The following DAB2IP variants were observed in gnomAD, a reference collection of about 807,000 sequenced individuals.
DAB2IP encodes disabled homolog 2-interacting protein.
A neutral mutation model predicts 107.2 loss-of-function variants in DAB2IP; 28 were observed. That is an observed-to-expected ratio of 0.26 (90% confidence interval 0.19 to 0.36). The LOEUF (loss-of-function observed/expected upper bound fraction) is 0.36, where lower values mean the gene tolerates loss of function less well. Ranked by LOEUF, DAB2IP falls within the 10% of genes least tolerant of loss-of-function variation. The pLI is 1.00. For missense variants in DAB2IP, 1,400 were observed against 1,644.7 expected, an observed-to-expected ratio of 0.85 and a Z score of 2.57; for synonymous variants, 755 against 706.4, an observed-to-expected ratio of 1.07 and a Z score of -1.09.
intron 1 of DAB2IP, among the ~76,000 whole-genome samples, chr9:121,585,530 G>C (rs565029729): frequency 1.3e-5 from 2 of 152,174 alleles, no homozygotes; most frequent in Non-Finnish European, 2.9e-5. Flanking sequence ...ATTAGGTCTT[G>C]CCAAGGAGAG....
At chr9:121,661,248 T>G (rs1418470358) in intron 1 of DAB2IP, among the ~76,000 whole-genome samples, 1 of 151,774 alleles carries the variant, frequency 6.6e-6, no homozygotes, top group African/African-American at 2.4e-5. Context: ...GATCGATTAT[T>G]TGGGGGAGAG....
chr9:121,642,615 TAAAA>T (rs397893249), intron 1 of DAB2IP, among the ~76,000 whole-genome samples: 1 of 123,950 alleles, frequency 8.1e-6, no homozygotes, highest in African/African-American at 3.0e-5. Context: ...TCTTTTCTAT[TAAAA>T]AAAAAAAAAA....
chr9:121,763,083 T>TCTTACCATGAGACAGGGCAGC, intron 6 of DAB2IP, among the ~76,000 whole-genome samples: 1 of 152,200 alleles, frequency 6.6e-6, no homozygotes, highest in African/African-American at 2.4e-5. Context: ...TGATGGCCAT[T>TCTTACCATGAGACAGGGCAGC]CTTACCATGA....
intron 1 of DAB2IP, among the ~76,000 whole-genome samples, chr9:121,645,607 G>C (rs918288447): frequency 8.5e-5 from 13 of 152,206 alleles, no homozygotes; most frequent in African/African-American, 3.1e-4. Flanking sequence ...TGACTGCTCT[G>C]TGCTGGGATG....
In DAB2IP at chr9:121,776,236, C is replaced by A; in HGVS notation, c.3159C>A (p.Thr1053=). The A allele has an allele frequency of 6.3e-7, 1 of 1,585,078 alleles. No individual in the cohort carries two copies. Among genetic ancestry groups the A allele is most frequent in the Admixed American group, 1.8e-5 (1 of 55,174 alleles). Residue 1053 remains threonine, a synonymous_variant, in exon 14 of 16, where the codon ACC becomes ACA. Coordinates refer to ENST00000408936, the Ensembl canonical transcript of DAB2IP. The surrounding 1 kb of genome is among the most constrained non-coding windows in gnomAD (Gnocchi z 5.4). ...TGCAGGACAAGCTGCGAATCTCCAC[C>A]AAGAAGCTGGAGGAGTATGAGACCC...
chr9:121,752,017 G>A (rs1833153003), intron 3 of DAB2IP: 1 of 985,530 alleles, frequency 1.0e-6, no homozygotes, highest in Non-Finnish European at 1.2e-6. Flanking sequence ...CGCTGTCATG[G>A]GGCTAGTGAT....
chr9:121,785,005 G>A (rs1835913282), exon 16 of DAB2IP: 1 of 152,774 alleles, frequency 6.5e-6, no homozygotes, highest in South Asian at 2.1e-4. Flanking sequence ...GGGGCCCCCT[G>A]GTCACCGAGA....
intron 1 of DAB2IP, among the ~76,000 whole-genome samples, chr9:121,609,652 G>A (rs1297043423): frequency 6.6e-6 from 1 of 152,232 alleles, no homozygotes; most frequent in Non-Finnish European, 1.5e-5. Context: ...GATGTAAGCT[G>A]GACAGACCAT....
intron 3 of DAB2IP, among the ~76,000 whole-genome samples, chr9:121,718,202 C>T (rs911901125): frequency 1.3e-5 from 2 of 152,148 alleles, no homozygotes; most frequent in Admixed American, 6.5e-5. Context: ...CCGGCAGCCG[C>T]GGCTCCTGAC....
chr9:121,619,759 C>G (rs187680738), intron 1 of DAB2IP, among the ~76,000 whole-genome samples: 2 of 152,306 alleles, frequency 1.3e-5, no homozygotes, highest in East Asian at 3.9e-4. Context: ...GAAATTCCAC[C>G]ATTAGTGATT....
intron 1 of DAB2IP, among the ~76,000 whole-genome samples, chr9:121,593,336 T>C (rs1475002930): frequency 6.6e-6 from 1 of 152,142 alleles, no homozygotes; most frequent in Non-Finnish European, 1.5e-5. Context: ...GGCGTGGACA[T>C]GACTCACTAT....
rs1429013184 is a variant in DAB2IP, at chr9:121,662,399, G to T, written c.124+10500G>T. On this transcript the variant is annotated intron_variant, in intron 1 of 15. Coordinates refer to ENST00000408936, the Ensembl canonical transcript of DAB2IP. The surrounding 1 kb of genome is among the most constrained non-coding windows in gnomAD (Gnocchi z 4.6). ...AAGAATAGTTTTTACATTTTTAAAGGGTTGGAACAAAAAGTCAGAAGAAGG... is the reference window on the plus strand; with the variant it reads ...AAGAATAGTTTTTACATTTTTAAAGTGTTGGAACAAAAAGTCAGAAGAAGG... 6.6e-6 allele frequency among the ~76,000 whole-genome samples: 1 copy of T among 152,160 alleles called. No individual in the cohort carries two copies. The highest frequency in any genetic ancestry group is 1.5e-5 in the Non-Finnish European group (1 of 68,046).
rs1206713987 is a variant in DAB2IP, at chr9:121,701,113, T to C, written c.362+1655T>C. Reference sequence around the variant, plus strand: ...CTCTGCACCCGCATGCGGGGGCTTGTGTACGTACCCCGTTTTGTGTGCATG... The same window carrying C: ...CTCTGCACCCGCATGCGGGGGCTTGCGTACGTACCCCGTTTTGTGTGCATG... On this transcript the variant is annotated intron_variant, in intron 3 of 15. Transcript: ENST00000408936. The surrounding 1 kb of genome is among the most constrained non-coding windows in gnomAD (Gnocchi z 4.7). Among the ~76,000 whole-genome samples, 2 of 152,198 alleles carry C rather than the reference T, an allele frequency of 1.3e-5. No individual in the cohort carries two copies.
exon 4 of DAB2IP, chr9:121,757,154 C>T: frequency 6.2e-7 from 1 of 1,613,970 alleles, no homozygotes; most frequent in Non-Finnish European, 8.5e-7. Flanking sequence ...TTGGCCAGGA[C>T]TACTGCTTCG....
chr9:121,614,410 GGCTCACTGCAACCTCTGCCTCCT>G (rs1421279692), intron 1 of DAB2IP, among the ~76,000 whole-genome samples: 1 of 138,738 alleles, frequency 7.2e-6, no homozygotes, highest in Admixed American at 8.3e-5. Flanking sequence ...GCATGGTTTC[GGCTCACTGCAACCTCTGCCTCCT>G]AGGTTCAAGT....
rs561304741 is a variant in DAB2IP, at chr9:121,575,837, A to G, written c.40+8609A>G. 6.6e-5 allele frequency among the ~76,000 whole-genome samples: 10 copies of G among 152,298 alleles called. 1 individual carries two copies. Among genetic ancestry groups the G allele is most frequent in the African/African-American group, 2.4e-4 (10 of 41,532 alleles). ...GGTCCTCCCAGCTGGGATTCCTCCC[A>G]AGGTCTCAACTCTGGAAGCCCAGGG... On this transcript the variant is annotated intron_variant, in intron 1 of 16. Transcript: ENST00000259371.
chr9:121,611,738 CCACAG>C, intron 1 of DAB2IP, among the ~76,000 whole-genome samples: 1 of 152,016 alleles, frequency 6.6e-6, no homozygotes, highest in Admixed American at 6.5e-5. Context: ...GTGTGTGCCA[CCACAG>C]TCAGCTAATT....
At position 121,776,540 on chromosome 9, in the gene DAB2IP, C is replaced by G. The variant is rs527427496; in HGVS notation, c.3314+149C>G. The G allele has an allele frequency of 1.0e-6, 1 of 980,340 alleles. No individual in the cohort carries two copies. Among genetic ancestry groups the G allele is most frequent in the Non-Finnish European group, 1.5e-6 (1 of 684,864 alleles). The allele number at this position is 980,340 out of a possible 1,614,324, so 60.7% of individuals were successfully genotyped here. A position where few individuals can be genotyped will look rare whatever the true frequency, so the allele number is the denominator to read the frequency against. ...GAGAGTGTCTGGGCAGTGGGAGCAGCGTGAGCACAGGCCTGGAGGCAGGAG... is the reference window on the plus strand; with the variant it reads ...GAGAGTGTCTGGGCAGTGGGAGCAGGGTGAGCACAGGCCTGGAGGCAGGAG... On this transcript the variant is annotated intron_variant, in intron 14 of 15. Transcript: ENST00000408936. The surrounding 1 kb of genome is among the most constrained non-coding windows in gnomAD (Gnocchi z 5.4).
At chr9:121,763,799 G>A (rs373776876) in exon 8 of DAB2IP, 8 of 1,614,086 alleles carry the variant, frequency 5.0e-6, no homozygotes, top group East Asian at 2.2e-5. Flanking sequence ...GCAAGTGCTC[G>A]GCCGCTGACC....
Sources: allele counts gnomAD v4.1 joint callset (sites outside exome capture counted in the v4.1 genomes callset), GRCh38; gene constraint gnomAD v4.1.1; non-coding constraint Gnocchi (gnomAD v3.1); transcripts MANE v1.5; gene names NCBI Gene and HGNC (gene_info 2026-07-23, HGNC 2026-07-21).